ZNF608: variants seen among roughly 807,000 people sequenced by gnomAD.
ZNF608 encodes the protein renal carcinoma antigen NY-REN-36.
Under a neutral mutation model 109.0 loss-of-function variants are expected in ZNF608, and 12 were observed. That is an observed-to-expected ratio of 0.11 (90% confidence interval 0.07 to 0.18). The LOEUF (loss-of-function observed/expected upper bound fraction) is 0.18. Ranked by LOEUF, ZNF608 falls within the 10% of genes least tolerant of loss-of-function variation. ZNF608 has a pLI of 1.00. For synonymous variants in ZNF608, 732 were observed against 717.4 expected (o/e 1.02, Z -0.33); for missense variants, 1,707 against 1,879.3 (o/e 0.91, Z 1.70).
At chr5:124,668,019 A>T (rs1751551114) in intron 3 of ZNF608, among the ~76,000 whole-genome samples, 1 of 151,842 alleles carries the variant, frequency 6.6e-6, no homozygotes. Context: ...AAGCTTCACC[A>T]TATCACATCT....
chr5:124,729,257 G>A (rs574488258), intron 2 of ZNF608, among the ~76,000 whole-genome samples: 30 of 152,314 alleles, frequency 2.0e-4, no homozygotes, highest in Admixed American at 1.4e-3. Context: ...AGCTTACTCC[G>A]TCTTTGAGCT....
intron 3 of ZNF608, among the ~76,000 whole-genome samples, chr5:124,655,322 T>C (rs1750958063): frequency 6.6e-6 from 1 of 152,236 alleles, no homozygotes; most frequent in African/African-American, 2.4e-5. Flanking sequence ...ATAATTCTGT[T>C]TGTATTGAGT....
intron 2 of ZNF608, among the ~76,000 whole-genome samples, chr5:124,720,746 A>C (rs1753869941): frequency 6.6e-6 from 1 of 152,116 alleles, no homozygotes; most frequent in South Asian, 2.1e-4. Context: ...ACAGAGATAA[A>C]GGGGCCAAAT....
At chr5:124,674,194 T>C (rs1751842944) in intron 3 of ZNF608, among the ~76,000 whole-genome samples, 1 of 152,194 alleles carries the variant, frequency 6.6e-6, no homozygotes, top group African/African-American at 2.4e-5. Flanking sequence ...TATAGGTAAA[T>C]TGAATCATCA....
At chr5:124,678,887 A>C (rs772050204) in intron 3 of ZNF608, among the ~76,000 whole-genome samples, 15 of 152,180 alleles carry the variant, frequency 9.9e-5, no homozygotes, top group Non-Finnish European at 1.8e-4. Context: ...CCTGGGCAAC[A>C]AATCTCCAGG....
intron 3 of ZNF608, among the ~76,000 whole-genome samples, chr5:124,690,954 C>CAT (rs1354286355): frequency 6.6e-6 from 1 of 150,724 alleles, no homozygotes; most frequent in Non-Finnish European, 1.5e-5. Flanking sequence ...CACACACACA[C>CAT]ATAATGGAAA....
At position 124,732,721 on chromosome 5, in the gene ZNF608, G is replaced by C. The variant is rs906858088; in HGVS notation, c.906+11363C>G. ...TATAAATGGTCCCAATTATTCAAGA[G>C]AATGCATTGTCTAGGGCCCTTGCAA... On this transcript the variant is annotated intron_variant, in intron 2 of 9. Transcript: ENST00000513986. Among the ~76,000 whole-genome samples the C allele has an allele frequency of 4.1e-4, 63 of 152,060 alleles. 1 individual carries two copies. Among genetic ancestry groups the C allele is most frequent in the Non-Finnish European group, 2.4e-4 (16 of 68,014 alleles).
At chr5:124,740,054 C>G (rs1749317194) in intron 2 of ZNF608, among the ~76,000 whole-genome samples, 1 of 152,192 alleles carries the variant, frequency 6.6e-6, no homozygotes, top group East Asian at 1.9e-4. Flanking sequence ...ATCCCTCCCC[C>G]CACCGTTTTT....
chr5:124,674,003 T>C (rs1036000196), intron 3 of ZNF608, among the ~76,000 whole-genome samples: 3 of 152,162 alleles, frequency 2.0e-5, no homozygotes, highest in African/African-American at 7.2e-5. Flanking sequence ...GCAAACCAGG[T>C]AAATTATGAG....
chr5:124,671,054 T>G lies in ZNF608; in HGVS notation c.1163-21357A>C, dbSNP rs542480727. On this transcript the variant is annotated intron_variant, in intron 3 of 9. Transcript: ENST00000513986. ...GTTGCAATTTATGAGCAATGTCAGC[T>G]GAAGGCAGAGAGTATTGTACACACT... Among the ~76,000 whole-genome samples, 4 of 152,310 alleles carry G rather than the reference T, an allele frequency of 2.6e-5. No individual in the cohort carries two copies. The South Asian group carries it at 8.3e-4, about 32-fold the overall frequency.
At chr5:124,740,096 C>T (rs1749320121) in intron 2 of ZNF608, among the ~76,000 whole-genome samples, 1 of 152,140 alleles carries the variant, frequency 6.6e-6, no homozygotes, top group African/African-American at 2.4e-5. Context: ...TTAAAAGTTG[C>T]AAAACATTAT....
chr5:124,650,707 T>TA (rs1156505163), intron 3 of ZNF608, among the ~76,000 whole-genome samples: 1 of 152,242 alleles, frequency 6.6e-6, no homozygotes, highest in African/African-American at 2.4e-5. Flanking sequence ...ATACATAAAT[T>TA]ATTAGGGTAA....
At chr5:124,640,047 T>C (rs1389277711) in intron 8 of ZNF608, among the ~76,000 whole-genome samples, 5 of 152,128 alleles carry the variant, frequency 3.3e-5, no homozygotes, top group Middle Eastern at 3.2e-3. Flanking sequence ...TCAATACAAA[T>C]TGTTTAAGAA....
chr5:124,734,910 T>G (rs1189000668), intron 2 of ZNF608: 1 of 152,242 alleles, frequency 6.6e-6, no homozygotes, highest in Non-Finnish European at 1.5e-5. Context: ...ACTACAAAAT[T>G]TATTTGCATT....
intron 2 of ZNF608, among the ~76,000 whole-genome samples, chr5:124,735,774 G>A (rs1749114532): frequency 6.6e-6 from 1 of 152,252 alleles, no homozygotes; most frequent in Non-Finnish European, 1.5e-5. Context: ...GGAGTTGGAT[G>A]CGGAGAGGCT....
At chr5:124,681,038 CAGAA>C (rs1752174626) in intron 3 of ZNF608, among the ~76,000 whole-genome samples, 2 of 152,068 alleles carry the variant, frequency 1.3e-5, no homozygotes, top group Admixed American at 1.3e-4. Flanking sequence ...AAATGAGTTC[CAGAA>C]AGAGAGAGCA....
At chr5:124,663,645 C>T (rs566050779) in intron 3 of ZNF608, among the ~76,000 whole-genome samples, 1 of 152,270 alleles carries the variant, frequency 6.6e-6, no homozygotes, top group East Asian at 1.9e-4. Context: ...GCTATTAATA[C>T]TTTATTTAGT....
intron 3 of ZNF608, among the ~76,000 whole-genome samples, chr5:124,657,399 C>A (rs763295150): frequency 6.6e-6 from 1 of 152,148 alleles, no homozygotes; most frequent in Non-Finnish European, 1.5e-5. Flanking sequence ...CAGTGGCTCA[C>A]GCCTGTAATC....
chr5:124,742,153 A>G (rs1164035783), intron 2 of ZNF608, among the ~76,000 whole-genome samples: 1 of 152,124 alleles, frequency 6.6e-6, no homozygotes, highest in Non-Finnish European at 1.5e-5. Flanking sequence ...TAATTCTTCC[A>G]TTCTTCACCC....
Sources: gnomAD v4.1 joint callset for allele counts (sites outside exome capture counted in the v4.1 genomes callset) on GRCh38, gnomAD v4.1.1 for gene constraint, MANE v1.5 for transcripts, NCBI Gene and HGNC (gene_info 2026-07-23, HGNC 2026-07-21) for gene names.